Variants in RPS29 observed in about 807,000 individuals in gnomAD.
RPS29 encodes small ribosomal subunit protein uS14.
For missense variants in RPS29, 60 were observed against 75.7 expected, an observed-to-expected ratio of 0.79 and a Z score of 0.77; for synonymous variants, 37 against 26.9, an observed-to-expected ratio of 1.37 and a Z score of -1.16.
intron 1 of RPS29, among the ~76,000 whole-genome samples, chr14:49,592,663 C>G (rs1431642696): frequency 6.6e-6 from 1 of 151,206 alleles, no homozygotes; most frequent in Admixed American, 6.6e-5. Context: ...AATCCCAGCA[C>G]TTTGGGAGGC....
intron 1 of RPS29, among the ~76,000 whole-genome samples, chr14:49,591,581 G>A (rs1179096001): frequency 2.0e-5 from 3 of 151,692 alleles, no homozygotes; most frequent in South Asian, 4.2e-4. Flanking sequence ...CAAAGTGCTG[G>A]GATTACAGGG....
In RPS29 at chr14:49,586,068, C is replaced by A. The variant is rs1424025202; in HGVS notation, c.63-19G>T. 1.2e-6 allele frequency: 2 copies of A among 1,604,456 alleles called. No individual in the cohort carries two copies. The highest frequency in any genetic ancestry group is 1.7e-5 in the Admixed American group (1 of 59,834). Reference sequence around the variant, plus strand: ...GACACGACTGTAAGAAAAGAGACAGCGGTTTTGCAGGTCATAGAAATTACA... The same window carrying A: ...GACACGACTGTAAGAAAAGAGACAGAGGTTTTGCAGGTCATAGAAATTACA... On this transcript the variant is annotated intron_variant, in intron 1 of 2. Coordinates refer to ENST00000245458, the MANE Select transcript of RPS29 (RefSeq NM_001032.5).
chr14:49,577,788 T>C (rs1881226360), exon 3 of RPS29: 3 of 1,597,812 alleles, frequency 1.9e-6, no homozygotes, highest in Non-Finnish European at 2.6e-6. Flanking sequence ...GGTCTCAGGA[T>C]GGCCATGATG....
chr14:49,580,255 A>C (rs1881297986), downstream of RPS29, among the ~76,000 whole-genome samples: 1 of 152,110 alleles, frequency 6.6e-6, no homozygotes. Context: ...ATCATCTCCC[A>C]AACTTTTTTA....
chr14:49,583,494 G>C, downstream of RPS29: 1 of 613,548 alleles, frequency 1.6e-6, no homozygotes, highest in Non-Finnish European at 2.6e-6. Context: ...GACAGAGGGG[G>C]ACTCAGTCTC....
chr14:49,590,340 G>A (rs895934013), upstream of RPS29, among the ~76,000 whole-genome samples: 1 of 152,038 alleles, frequency 6.6e-6, no homozygotes, highest in African/African-American at 2.4e-5. Context: ...GCCAGGCATG[G>A]TGGCGGGCGC....
At chr14:49,577,806 T>A in exon 3 of RPS29, 1 of 1,602,256 alleles carries the variant, frequency 6.2e-7, no homozygotes, top group Non-Finnish European at 8.5e-7. Flanking sequence ...ATGGAGGAGA[T>A]GGGTGTCACC....
downstream of RPS29, among the ~76,000 whole-genome samples, chr14:49,582,582 C>A (rs1021106038): frequency 2.0e-5 from 3 of 152,192 alleles, no homozygotes; most frequent in African/African-American, 7.2e-5. Context: ...AGTTTTCATT[C>A]ACTACAGAAT....
chr14:49,579,291 G>C (rs145983316), downstream of RPS29, among the ~76,000 whole-genome samples: 44 of 152,298 alleles, frequency 2.9e-4, no homozygotes, highest in East Asian at 6.9e-3. Context: ...CCAGCACCTT[G>C]ATCTCAGACT....
intron 2 of RPS29, chr14:49,585,350 T>A (rs1229382202): frequency 6.9e-6 from 1 of 144,050 alleles, no homozygotes; most frequent in Non-Finnish European, 1.5e-5. Context: ...GTTGGGTGAG[T>A]GCGACTCCGA....
upstream of RPS29, chr14:49,586,503 G>C (rs1881564176): frequency 2.9e-6 from 2 of 679,890 alleles, no homozygotes; most frequent in East Asian, 2.7e-5. Context: ...TGAAATCTTA[G>C]AGGCGTTGTG....
At chr14:49,587,463 A>C (rs973112275), upstream of RPS29, among the ~76,000 whole-genome samples, 3 of 152,256 alleles carry the variant, frequency 2.0e-5, no homozygotes, top group Non-Finnish European at 4.4e-5. Context: ...CAACAATTCC[A>C]GAAACTTTTA....
At chr14:49,572,957 C>A (rs1419701493) in exon 3 of RPS29, 2 of 151,988 alleles carry the variant, frequency 1.3e-5, no homozygotes, top group Non-Finnish European at 2.9e-5. Flanking sequence ...GTCCCAGATA[C>A]TTGGGAGGCT....
chr14:49,591,848 C>T (rs953587649), intron 1 of RPS29, among the ~76,000 whole-genome samples: 12 of 150,872 alleles, frequency 8.0e-5, no homozygotes, highest in Admixed American at 2.0e-4. Flanking sequence ...TCTCGATATC[C>T]TGACCTCATG....
At chr14:49,582,012 C>CAAAAAAAAAAAAAAAAAAAAAAAAA (rs58507206), downstream of RPS29, among the ~76,000 whole-genome samples, 3 of 106,534 alleles carry the variant, frequency 2.8e-5, no homozygotes, top group African/African-American at 1.4e-4. Context: ...CCCTGCCCCC[C>CAAAAAAAAAAAAAAAAAAAAAAAAA]AAAAAAAAAA....
chr14:49,585,628 A>T (rs1198883612), intron 2 of RPS29: 1 of 437,860 alleles, frequency 2.3e-6, no homozygotes. Context: ...TTGATAAATG[A>T]AACAAATGTA....
exon 3 of RPS29, chr14:49,574,428 C>T (rs1881127180): frequency 6.6e-6 from 1 of 152,178 alleles, no homozygotes; most frequent in African/African-American, 2.4e-5. Context: ...TAAGAAGTTA[C>T]AAAGTCAGCT....
chr14:49,575,973 G>C (rs151160425), exon 3 of RPS29: 1 of 152,254 alleles, frequency 6.6e-6, no homozygotes, highest in East Asian at 1.9e-4. Context: ...CTAAAAGATA[G>C]AAGATACCTG....
downstream of RPS29, among the ~76,000 whole-genome samples, chr14:49,581,197 A>C (rs558133446): frequency 6.6e-6 from 1 of 152,198 alleles, no homozygotes; most frequent in African/African-American, 2.4e-5. Flanking sequence ...TCTCAAAAAA[A>C]AAAGAAAAAA....
Sources: allele counts gnomAD v4.1 joint callset (sites outside exome capture counted in the v4.1 genomes callset), GRCh38; gene constraint gnomAD v4.1.1; transcripts MANE v1.5; gene names NCBI Gene and HGNC (gene_info 2026-07-23, HGNC 2026-07-21).